DHX57: variants seen among roughly 807,000 people sequenced by gnomAD.
DHX57 encodes the protein DExH-box helicase 57.
Under a neutral mutation model 156.2 loss-of-function variants are expected in DHX57, and 105 were observed. The ratio of observed to expected loss-of-function variants is 0.67; its 90% CI spans 0.57 to 0.79. DHX57 has a LOEUF of 0.79. Ranked by LOEUF, DHX57 falls within the 30% of genes least tolerant of loss-of-function variation. The pLI is 0.00. For missense variants in DHX57, 1,847 were observed against 1,661.9 expected (o/e 1.11, Z -1.94); for synonymous variants, 704 against 595.6 (o/e 1.18, Z -2.65).
At position 38,861,245 on chromosome 2, in the gene DHX57, T is replaced by C. The variant is rs966828827; in HGVS notation, c.1165A>G (p.Ile389Val). The C allele has an allele frequency of 6.2e-7, 1 of 1,614,140 alleles. No individual in the cohort carries two copies. ...GCCTTGTCATAAAGAAACTCAGAAA[T>C]ATGTAAACGACAAGCCAGAGGTAGG... The part of the protein sequence containing the change: ...ENLPLACRLH[I>V]SEFLYDKALT... Residue 389 changes from isoleucine (I) to valine (V), a missense_variant, in exon 5 of 24, where the codon ATT becomes GTT. Physicochemically the swap from Ile to Val is conservative, Grantham distance 29. Coordinates refer to ENST00000457308, the MANE Select transcript of DHX57 (RefSeq NM_198963.3).
In DHX57 at chr2:38,798,341, G is replaced by T. The variant is rs376019450; in HGVS notation, c.4119C>A (p.Ser1373=). The T allele has an allele frequency of 1.2e-6, 2 of 1,613,736 alleles. No homozygotes were observed. Among genetic ancestry groups the T allele is most frequent in the Admixed American group, 3.3e-5 (2 of 59,882 alleles). ...SIDLCTCPRG[S]RIISTIVKLV... Reference sequence around the variant, plus strand: ...GTTTCACAATTGTGCTGATGATCCGGGATCCTCGAGGACACGTACACAGAT... The same window carrying T: ...GTTTCACAATTGTGCTGATGATCCGTGATCCTCGAGGACACGTACACAGAT... The change falls in exon 24 of 24, where the codon TCC becomes TCA. Residue 1373 remains serine, a synonymous_variant. Transcript: ENST00000457308.
intron 13 of DHX57, among the ~76,000 whole-genome samples, chr2:38,834,563 A>G (rs1285196805): frequency 1.3e-5 from 2 of 152,180 alleles, no homozygotes; most frequent in Non-Finnish European, 2.9e-5. Flanking sequence ...TATAGTAAAA[A>G]GTGATCTCTG....
Position 38,843,207 on chromosome 2 carries a change from A to C in DHX57, c.2223T>G (p.Tyr741Ter). Reference sequence around the variant, plus strand: ...TATATGGGCTCCCATCCTGTAATACATACCTGAGAAAGACAAAGGAATGTG... The same window carrying C: ...TATATGGGCTCCCATCCTGTAATACCTACCTGAGAAAGACAAAGGAATGTG... The part of the protein sequence containing the change: ...FLEDAIAVTR[Y>*]VLQDGSPYMR... Residue 741 changes from tyrosine (Y) to a stop codon, truncating the protein, a stop_gained, in exon 12 of 24, where the codon TAT becomes TAG. Transcript: ENST00000457308. LOFTEE classifies it high-confidence loss of function. 1 of 1,613,910 alleles carries C rather than the reference A, an allele frequency of 6.2e-7. No homozygotes were observed. The highest frequency in any genetic ancestry group is 8.5e-7 in the Non-Finnish European group (1 of 1,179,942).
chr2:38,819,648 C>T (rs370184415), intron 17 of DHX57, among the ~76,000 whole-genome samples: 12 of 152,160 alleles, frequency 7.9e-5, no homozygotes, highest in East Asian at 5.8e-4. Flanking sequence ...GTCTGCCTGC[C>T]CACCCAAAAT....
Position 38,802,860 on chromosome 2 carries a change from C to T in DHX57, c.3872G>A (p.Arg1291Gln), listed in dbSNP as rs372024939. ...LLYHEKIKTS[R>Q]VFIRDCSMVS... ...CATGCTGCAGTCTCGGATGAATACT[C>T]GACTAGTTTTTATCTTCTCGTGGTA... The change falls in exon 23 of 24, where the codon CGA (arginine) becomes CAA (glutamine). Residue 1291 changes from arginine to glutamine, a missense_variant. Arg to Gln is a conservative substitution (Grantham distance 43). Coordinates refer to ENST00000457308, the MANE Select transcript of DHX57 (RefSeq NM_198963.3). The T allele has an allele frequency of 7.8e-5, 126 of 1,614,010 alleles. No homozygotes were observed. The highest frequency in any genetic ancestry group is 9.9e-5 in the Non-Finnish European group (117 of 1,180,032).
chr2:38,803,932 C>T (rs1291374753), intron 22 of DHX57, among the ~76,000 whole-genome samples: 6 of 152,086 alleles, frequency 3.9e-5, no homozygotes, highest in South Asian at 2.1e-4. Context: ...CAGGCTTGCA[C>T]TATCACACCT....
In DHX57 at chr2:38,798,152, A is replaced by T; in HGVS notation, c.*147T>A. 9.3e-7 allele frequency: 1 copy of T among 1,073,574 alleles called. No homozygotes were observed. Among genetic ancestry groups the T allele is most frequent in the Non-Finnish European group, 1.3e-6 (1 of 749,338 alleles). 66.5% of individuals were successfully genotyped at this position (1,073,574 alleles called of 1,614,324 possible). On this transcript the variant is annotated 3_prime_UTR_variant, in exon 24 of 24. Coordinates refer to ENST00000457308, the MANE Select transcript of DHX57 (RefSeq NM_198963.3). ...TAGAAATGGCCCTAAGGGTATATAC[A>T]CTGCCTCAGCTGCCTTGGGCTTCAT...
At chr2:38,801,560 C>T (rs988413785) in intron 23 of DHX57, among the ~76,000 whole-genome samples, 1 of 151,930 alleles carries the variant, frequency 6.6e-6, no homozygotes. Flanking sequence ...CAGGCGCCCG[C>T]CACCACGCCC....
intron 12 of DHX57, among the ~76,000 whole-genome samples, chr2:38,838,475 C>T (rs898860752): frequency 6.6e-6 from 1 of 152,184 alleles, no homozygotes; most frequent in Non-Finnish European, 1.5e-5. Context: ...AAAGCAGGCT[C>T]CTGCCCCTGT....
rs147003786 is a variant in DHX57 at position 38,823,074 on chromosome 2, T to C, written c.3210A>G (p.Lys1070=). Residue 1070 remains lysine (K), a synonymous_variant, in exon 17 of 24, where the codon AAA becomes AAG. Coordinates refer to ENST00000457308, the MANE Select transcript of DHX57 (RefSeq NM_198963.3). ...GGAAGATAGACCCAAACAACATTAG[T>C]TTGCCAATTCTCACATCCACGGGCA... ...ASLPVDVRIG[K]LMLFGSIFRC... is the part of the protein sequence containing the mutation. The C allele has an allele frequency of 3.6e-5, 58 of 1,614,140 alleles. No homozygotes were observed. The African/African-American group carries it at 6.3e-4, about 17-fold the overall frequency.
chr2:38,855,326 A>C (rs1180265168), intron 7 of DHX57, 74 bp from the exon 8 acceptor site: 1 of 1,444,868 alleles, frequency 6.9e-7, no homozygotes, highest in Non-Finnish European at 9.7e-7. Context: ...ATCATATGGA[A>C]TGAGAAAAGT....
In DHX57 at chr2:38,863,477, T is replaced by C. The variant is rs1673346030; in HGVS notation, c.267A>G (p.Lys89=). The C allele has an allele frequency of 2.5e-6, 4 of 1,613,948 alleles. No individual in the cohort carries two copies. The highest frequency in any genetic ancestry group is 3.4e-6 in the Non-Finnish European group (4 of 1,180,018). The change falls in exon 3 of 24, where the codon AAA becomes AAG. Residue 89 remains lysine (K), a synonymous_variant. Coordinates refer to ENST00000457308, the MANE Select transcript of DHX57 (RefSeq NM_198963.3). Reference sequence around the variant, plus strand: ...GGGGTACTTTGGCTTTGGGTTTCCATTTTGGGCGTGACTCTCCTTTGCTTA... The same window carrying C: ...GGGGTACTTTGGCTTTGGGTTTCCACTTTGGGCGTGACTCTCCTTTGCTTA... The part of the protein sequence containing the change: ...SNISKGESRP[K]WKPKAKVPLQ...
chr2:38,859,311 A>AG (rs1394119175), intron 5 of DHX57, among the ~76,000 whole-genome samples: 4 of 152,208 alleles, frequency 2.6e-5, no homozygotes, highest in Non-Finnish European at 5.9e-5. Context: ...ATTTCTATGA[A>AG]ATGTCCAGAG....
rs1669948164 is a variant in DHX57, at chr2:38,806,555, T to C, written c.3816+4A>G. The C allele has an allele frequency of 6.2e-7, 1 of 1,613,912 alleles. No homozygotes were observed. Among genetic ancestry groups the C allele is most frequent in the Non-Finnish European group, 8.5e-7 (1 of 1,179,968 alleles). ...AAACATTAAGTATACTCCACCATTC[T>C]GACCTGATAGTTCACTGATGAAGGG... is the stretch of plus-strand genomic sequence containing the variant. On this transcript the variant is annotated splice_donor_region_variant and intron_variant, in intron 22 of 23. Transcript: ENST00000457308.
chr2:38,854,804 C>T (rs1471325542), intron 8 of DHX57: 1 of 326,198 alleles, frequency 3.1e-6, no homozygotes, highest in Non-Finnish European at 5.8e-6. Flanking sequence ...TCAGGTGATC[C>T]ACCTGCCTTG....
chr2:38,848,206 A>G, intron 10 of DHX57, 63 bp downstream of exon 10: 2 of 1,460,360 alleles, frequency 1.4e-6, no homozygotes, highest in Non-Finnish European at 1.8e-6. Context: ...TTATGTCTCA[A>G]ACTTTAAAAT....
Position 38,861,218 on chromosome 2 carries a change from A to C in DHX57, c.1192T>G (p.Leu398Val). Reference sequence around the variant, plus strand: ...GGTTCCGAAGTTTCCGCAAATGTCAAGGCCTTGTCATAAAGAAACTCAGAA... The same window carrying C: ...GGTTCCGAAGTTTCCGCAAATGTCACGGCCTTGTCATAAAGAAACTCAGAA... ...HISEFLYDKALTFAETSEPVV... is the reference protein window; with the variant it reads ...HISEFLYDKAVTFAETSEPVV... Residue 398 changes from leucine (L) to valine (V), a missense_variant, in exon 5 of 24, where the codon TTG becomes GTG. Physicochemically the swap from Leu to Val is conservative, Grantham distance 32. Coordinates refer to ENST00000457308, the MANE Select transcript of DHX57 (RefSeq NM_198963.3). The C allele has an allele frequency of 6.2e-7, 1 of 1,614,182 alleles. No homozygotes were observed. The highest frequency in any genetic ancestry group is 8.5e-7 in the Non-Finnish European group (1 of 1,180,008).
At chr2:38,862,688 G>T (rs145071186) in intron 3 of DHX57, 146 of 163,012 alleles carry the variant, frequency 9.0e-4, no homozygotes, top group African/African-American at 3.4e-3. Context: ...TAGAGATTTT[G>T]CCAAAGGCAG....
At chr2:38,861,933 C>G (rs556774498) in intron 4 of DHX57, 96 bp from the exon 5 acceptor site, 2,569 of 1,343,042 alleles carry the variant, frequency 1.9e-3, no homozygotes, top group Non-Finnish European at 2.3e-3. Flanking sequence ...GAAGTTATGA[C>G]TACACATAGG....
Sources: allele counts gnomAD v4.1 joint callset (sites outside exome capture counted in the v4.1 genomes callset), GRCh38; gene constraint gnomAD v4.1.1; transcripts MANE v1.5; gene names NCBI Gene and HGNC (gene_info 2026-07-23, HGNC 2026-07-21).